The following RASGRP3 variants were observed in gnomAD, a reference collection of about 807,000 sequenced individuals.
RASGRP3 encodes ras guanyl-releasing protein 3.
A neutral mutation model predicts 82.7 loss-of-function variants in RASGRP3; 54 were observed. The observed-to-expected ratio is 0.65, with a 90% confidence interval of 0.52 to 0.82. The LOEUF (loss-of-function observed/expected upper bound fraction) is 0.82, where lower values mean the gene tolerates loss of function less well. Among genes scored for constraint, RASGRP3 ranks in the 40% least tolerant of loss-of-function variants. The pLI is 0.00. For synonymous variants in RASGRP3, 309 were observed against 300.5 expected, an observed-to-expected ratio of 1.03 and a Z score of -0.29; for missense variants, 861 against 828.9, an observed-to-expected ratio of 1.04 and a Z score of -0.48.
intron 1 of RASGRP3, among the ~76,000 whole-genome samples, chr2:33,505,946 C>G (rs1000023781): frequency 1.3e-5 from 2 of 152,180 alleles, no homozygotes; most frequent in African/African-American, 4.8e-5. Context: ...CTCTAAGATT[C>G]TCATTTCTTG....
chr2:33,519,556 G>A (rs762560038), intron 4 of RASGRP3, among the ~76,000 whole-genome samples: 9 of 152,158 alleles, frequency 5.9e-5, no homozygotes, highest in Non-Finnish European at 1.2e-4. Flanking sequence ...GCAGTGAACC[G>A]AGATCGTGCC....
At chr2:33,559,177 C>T in intron 17 of RASGRP3, 147 bp downstream of exon 17, 2 of 661,466 alleles carry the variant, frequency 3.0e-6, no homozygotes, top group South Asian at 4.1e-5. Flanking sequence ...TTAGTCTTGC[C>T]ACTGCCTAGC....
chr2:33,515,053 T>C lies in RASGRP3; in HGVS notation c.-84T>C, dbSNP rs1671315319. The C allele has an allele frequency of 3.8e-6, 5 of 1,317,234 alleles. No homozygotes were observed. Among genetic ancestry groups the C allele is most frequent in the African/African-American group, 2.9e-5 (2 of 69,094 alleles). The allele number at this position is 1,317,234 out of a possible 1,614,324, so 81.6% of individuals were successfully genotyped here. A position where few individuals can be genotyped will look rare whatever the true frequency, so the allele number is the denominator to read the frequency against. ...CTAAGGACAGGTCACCACTAGGCACTAACATCGCTGACTTGCATGATTATG... is the reference window on the plus strand; with the variant it reads ...CTAAGGACAGGTCACCACTAGGCACCAACATCGCTGACTTGCATGATTATG... On this transcript the variant is annotated 5_prime_UTR_variant, in exon 3 of 18. Coordinates refer to ENST00000403687, the MANE Select transcript of RASGRP3 (RefSeq NM_001139488.2).
chr2:33,547,030 CAA>C (rs1423947441), intron 13 of RASGRP3, among the ~76,000 whole-genome samples: 10 of 114,440 alleles, frequency 8.7e-5, no homozygotes, highest in East Asian at 2.8e-4. Flanking sequence ...GCCTGGGTAA[CAA>C]GAGCGAATCT....
chr2:33,558,413 G>A (rs1676258094), intron 16 of RASGRP3, 77 bp downstream of exon 16: 1 of 1,604,008 alleles, frequency 6.2e-7, no homozygotes, highest in Admixed American at 1.7e-5. Flanking sequence ...TTTAGGTTCT[G>A]GGTCTAAACC....
chr2:33,512,394 A>AAG (rs1037751161), intron 2 of RASGRP3, among the ~76,000 whole-genome samples: 1 of 152,226 alleles, frequency 6.6e-6, no homozygotes, highest in African/African-American at 2.4e-5. Flanking sequence ...TCCGTGAGTA[A>AAG]CAGGCTAAAA....
chr2:33,449,550 A>C (rs1665676826), intron 2 of RASGRP3, among the ~76,000 whole-genome samples: 1 of 152,182 alleles, frequency 6.6e-6, no homozygotes, highest in South Asian at 2.1e-4. Context: ...CCATGAGGTC[A>C]GGAGATTGAG....
At chr2:33,526,310 T>C (rs1447143782) in intron 9 of RASGRP3, among the ~76,000 whole-genome samples, 2 of 152,128 alleles carry the variant, frequency 1.3e-5, no homozygotes, top group African/African-American at 2.4e-5. Context: ...CTAATCAAAA[T>C]TGGGGTCTAC....
chr2:33,500,183 A>C (rs956428131), intron 1 of RASGRP3, among the ~76,000 whole-genome samples: 3 of 152,132 alleles, frequency 2.0e-5, no homozygotes, highest in African/African-American at 7.2e-5. Context: ...CATGTGCTGG[A>C]GTAAAGAGAG....
At chr2:33,455,591 G>T (rs1054698549) in intron 2 of RASGRP3, among the ~76,000 whole-genome samples, 1 of 152,252 alleles carries the variant, frequency 6.6e-6, no homozygotes, top group African/African-American at 2.4e-5. Flanking sequence ...GATGGAGACT[G>T]GGAAAGTGCT....
At chr2:33,491,818 G>A (rs1009474663) in intron 1 of RASGRP3, among the ~76,000 whole-genome samples, 2 of 152,244 alleles carry the variant, frequency 1.3e-5, no homozygotes, top group African/African-American at 4.8e-5. Flanking sequence ...GAGGTGCCAG[G>A]TGAGGCTGGT....
intron 17 of RASGRP3, 109 bp downstream of exon 17, chr2:33,559,139 T>C (rs1676362406): frequency 3.4e-6 from 3 of 893,100 alleles, no homozygotes; most frequent in South Asian, 1.8e-5. Flanking sequence ...GAAAGCAGAA[T>C]GGTTGGGAAT....
Position 33,534,416 on chromosome 2 carries a change from T to C in RASGRP3, c.1161+16T>C, listed in dbSNP as rs1362860306. On this transcript the variant is annotated intron_variant, in intron 11 of 17. Transcript: ENST00000403687. ...TTCTAAATCGGTAGGTATTATTTTC[T>C]CTCCAAGGATCAGTACCAATCACTA... 1 of 1,491,604 alleles carries C rather than the reference T, an allele frequency of 6.7e-7. No homozygotes were observed. The highest frequency in any genetic ancestry group is 9.3e-7 in the Non-Finnish European group (1 of 1,078,898). 92.4% of individuals were successfully genotyped at this position (1,491,604 alleles called of 1,614,324 possible). A position where few individuals can be genotyped will look rare whatever the true frequency, so the allele number is the denominator to read the frequency against.
intron 11 of RASGRP3, among the ~76,000 whole-genome samples, chr2:33,534,671 G>T (rs61202183): frequency 6.6e-6 from 1 of 150,616 alleles, no homozygotes. Flanking sequence ...TAGAATTATA[G>T]GTGCACACTG....
rs2151009225 is a variant in RASGRP3, at chr2:33,515,132, T to A, written c.-5T>A. The stretch of plus-strand genomic sequence containing the variant: ...CTCTAGTTTTTTGACAACGGCTAAA[T>A]AACCATGGGATCAAGTGGCCTTGGG... On this transcript the variant is annotated 5_prime_UTR_variant, in exon 3 of 18. Coordinates refer to ENST00000403687, the MANE Select transcript of RASGRP3 (RefSeq NM_001139488.2). The A allele has an allele frequency of 6.2e-7, 1 of 1,613,864 alleles. No individual in the cohort carries two copies. Among genetic ancestry groups the A allele is most frequent in the African/African-American group, 1.3e-5 (1 of 75,052 alleles).
intron 2 of RASGRP3, among the ~76,000 whole-genome samples, chr2:33,464,253 G>T (rs1267765192): frequency 2.0e-5 from 3 of 149,700 alleles, no homozygotes; most frequent in African/African-American, 7.4e-5. Flanking sequence ...CAAGTAGCTG[G>T]GATTATAGGG....
chr2:33,531,454 C>T (rs184153521), intron 10 of RASGRP3, among the ~76,000 whole-genome samples: 11 of 152,220 alleles, frequency 7.2e-5, no homozygotes, highest in Admixed American at 7.2e-4. Flanking sequence ...AGGAGTAACC[C>T]CGAGGGCAGC....
At chr2:33,458,475 C>T (rs576517561) in intron 2 of RASGRP3, among the ~76,000 whole-genome samples, 7 of 152,296 alleles carry the variant, frequency 4.6e-5, no homozygotes, top group African/African-American at 1.7e-4. Flanking sequence ...AGATATATTG[C>T]AACCTCTCAC....
chr2:33,557,835 T>A (rs1004798704), intron 15 of RASGRP3, among the ~76,000 whole-genome samples: 2 of 152,076 alleles, frequency 1.3e-5, no homozygotes, highest in Non-Finnish European at 2.9e-5. Context: ...GCATAGGCTC[T>A]CTTTGTGGGG....
Sources: gnomAD v4.1 joint callset for allele counts (sites outside exome capture counted in the v4.1 genomes callset) on GRCh38, gnomAD v4.1.1 for gene constraint, MANE v1.5 for transcripts, NCBI Gene and HGNC (gene_info 2026-07-23, HGNC 2026-07-21) for gene names.